The following C6orf163 variants were observed in gnomAD, a reference collection of about 807,000 sequenced individuals.
C6orf163 encodes the protein uncharacterized protein C6orf163.
C6orf163 carries 22 observed loss-of-function variants against 28.4 expected under a neutral mutation model. That is an observed-to-expected ratio of 0.78 (90% CI 0.55 to 1.11). The LOEUF is 1.11. C6orf163 is among the 50% of genes least tolerant of loss of function. The pLI, the probability that C6orf163 is intolerant of heterozygous loss-of-function variation, is 0.00. For synonymous variants in C6orf163, 110 were observed against 123.6 expected (o/e 0.89, Z 0.73); for missense variants, 342 against 389.1 (o/e 0.88, Z 1.02).
At chr6:87,364,200 A>T (rs1285169685) in intron 4 of C6orf163, among the ~76,000 whole-genome samples, 1 of 152,022 alleles carries the variant, frequency 6.6e-6, no homozygotes, top group African/African-American at 2.4e-5. Context: ...CATGTGAATC[A>T]CTTGAACCTG....
intron 1 of C6orf163, 111 bp downstream of exon 1, chr6:87,345,358 T>G: frequency 9.4e-7 from 1 of 1,068,258 alleles, no homozygotes; most frequent in Non-Finnish European, 1.3e-6. Flanking sequence ...TGCTTGTCCC[T>G]ACAGGGATAT....
chr6:87,345,058 T>G lies in C6orf163; in HGVS notation c.-42T>G. ...GAAACGACTTTTTCTGATTCTAAGA[T>G]TATTTTAACTGTAAGTAGGAGAAGA... On this transcript the variant is annotated 5_prime_UTR_variant, in exon 1 of 5. Coordinates refer to ENST00000388923, the MANE Select transcript of C6orf163 (RefSeq NM_001010868.3). 1 of 1,453,302 alleles carries G rather than the reference T, an allele frequency of 6.9e-7. No homozygotes were observed. Among genetic ancestry groups the G allele is most frequent in the Middle Eastern group, 1.8e-4 (1 of 5,636 alleles). The allele number at this position is 1,453,302 out of a possible 1,614,324, so 90.0% of individuals were successfully genotyped here.
rs756624105 is a variant in C6orf163 at position 87,345,208 on chromosome 6, C to T, written c.109C>T (p.Pro37Ser). ...CTTCAAACGGATCCATGAATACAAG[C>T]CACTTAAGACACGCTTTTACACTCA... ...KTFKRIHEYKPLKTRFYTHKD... is the reference protein window; with the variant it reads ...KTFKRIHEYKSLKTRFYTHKD... The change falls in exon 1 of 5, where the codon CCA becomes TCA. Residue 37 changes from proline to serine, a missense_variant. Coordinates refer to ENST00000388923, the MANE Select transcript of C6orf163 (RefSeq NM_001010868.3). 13 of 1,535,450 alleles carry T rather than the reference C, an allele frequency of 8.5e-6. No homozygotes were observed. In the South Asian group the frequency reaches 1.6e-4, roughly 18 times the overall value.
chr6:87,347,754 G>A (rs1777349559), intron 1 of C6orf163: 2 of 985,516 alleles, frequency 2.0e-6, no homozygotes. Flanking sequence ...TACCCTTTTA[G>A]TGAGTTGGCT....
rs183057769 is a variant in C6orf163, at chr6:87,355,933, A to G, written c.352-368A>G. ...GTAATTATTTCTGCCATTTTCCAGG[A>G]CTGGCTTACTAAAGCAGAATTGCAT... On this transcript the variant is annotated intron_variant, in intron 3 of 4. Transcript: ENST00000388923. Among the ~76,000 whole-genome samples the G allele has an allele frequency of 5.2e-4, 79 of 152,304 alleles. 1 individual carries two copies. Among genetic ancestry groups the G allele is most frequent in the Admixed American group, 5.9e-4 (9 of 15,288 alleles).
intron 3 of C6orf163, among the ~76,000 whole-genome samples, chr6:87,352,890 C>T (rs1189204926): frequency 6.6e-6 from 1 of 152,060 alleles, no homozygotes; most frequent in Admixed American, 6.6e-5. Context: ...TGTAAAAATG[C>T]CTGTCAAACA....
intron 4 of C6orf163, among the ~76,000 whole-genome samples, chr6:87,360,047 C>G (rs1777559321): frequency 6.6e-6 from 1 of 152,160 alleles, no homozygotes; most frequent in Non-Finnish European, 1.5e-5. Context: ...GCTGAACAAC[C>G]TCTACTTGTC....
At chr6:87,347,836 A>C in intron 1 of C6orf163, 1 of 985,502 alleles carries the variant, frequency 1.0e-6, no homozygotes, top group African/African-American at 1.7e-5. Context: ...AGATAGCTCT[A>C]AGAATCTATT....
intron 4 of C6orf163, among the ~76,000 whole-genome samples, chr6:87,361,519 C>T (rs1268081956): frequency 3.3e-5 from 5 of 152,164 alleles, no homozygotes; most frequent in Admixed American, 3.3e-4. Context: ...AAGTCAGCCC[C>T]ACCTGGCAGG....
At chr6:87,360,240 C>G (rs540390636) in intron 4 of C6orf163, among the ~76,000 whole-genome samples, 66 of 151,690 alleles carry the variant, frequency 4.4e-4, no homozygotes, top group Non-Finnish European at 7.7e-4. Context: ...TTTCACAGTT[C>G]TTTCTCATAT....
intron 4 of C6orf163, among the ~76,000 whole-genome samples, chr6:87,363,978 A>G (rs1371696207): frequency 6.6e-6 from 1 of 150,930 alleles, no homozygotes; most frequent in African/African-American, 2.4e-5. Flanking sequence ...CCAGAGATTA[A>G]AGAGTTGTGC....
At chr6:87,360,576 T>G (rs1477801758) in intron 4 of C6orf163, among the ~76,000 whole-genome samples, 1 of 152,028 alleles carries the variant, frequency 6.6e-6, no homozygotes, top group East Asian at 1.9e-4. Context: ...AATTTTTGTA[T>G]TTTTAGTAGA....
At chr6:87,354,623 T>C (rs1777470627) in intron 3 of C6orf163, among the ~76,000 whole-genome samples, 1 of 152,238 alleles carries the variant, frequency 6.6e-6, no homozygotes, top group Non-Finnish European at 1.5e-5. Context: ...CATTTCTAAA[T>C]GGCCAATGTT....
chr6:87,364,027 T>A (rs1226018533), intron 4 of C6orf163, among the ~76,000 whole-genome samples: 2 of 152,204 alleles, frequency 1.3e-5, no homozygotes, highest in African/African-American at 4.8e-5. Context: ...CTTATACCTG[T>A]AATCCCAGCA....
At chr6:87,364,251 C>T (rs554356972) in intron 4 of C6orf163, among the ~76,000 whole-genome samples, 1 of 151,640 alleles carries the variant, frequency 6.6e-6, no homozygotes, top group East Asian at 2.0e-4. Flanking sequence ...GGCCATTGCA[C>T]TCTAGCCTGG....
chr6:87,354,082 C>T (rs916950562), intron 3 of C6orf163, among the ~76,000 whole-genome samples: 6 of 152,180 alleles, frequency 3.9e-5, no homozygotes, highest in African/African-American at 1.4e-4. Context: ...TGGTCTCGAA[C>T]TCCTGGCCTC....
chr6:87,361,025 G>T (rs242285), intron 4 of C6orf163, among the ~76,000 whole-genome samples: 2,335 of 152,064 alleles, frequency 0.015, 53 homozygotes, highest in African/African-American at 0.052. Context: ...GGGGCTAGGC[G>T]CAGTGGCTCA....
At chr6:87,356,602 T>A in intron 4 of C6orf163, 99 bp downstream of exon 4, 2 of 1,060,472 alleles carry the variant, frequency 1.9e-6, no homozygotes, top group African/African-American at 1.6e-5. Context: ...TATTGCCCAG[T>A]TTTTGTGTTT....
intron 2 of C6orf163, among the ~76,000 whole-genome samples, chr6:87,349,242 G>C (rs1026757524): frequency 6.6e-6 from 1 of 151,826 alleles, no homozygotes; most frequent in Non-Finnish European, 1.5e-5. Flanking sequence ...ATTTTGATTT[G>C]ATTGAAACCA....
Sources: allele counts gnomAD v4.1 joint callset (sites outside exome capture counted in the v4.1 genomes callset), GRCh38; gene constraint gnomAD v4.1.1; transcripts MANE v1.5; gene names NCBI Gene and HGNC (gene_info 2026-07-23, HGNC 2026-07-21).